The following CHRDL1 variants were observed in gnomAD, a reference collection of about 807,000 sequenced individuals.
CHRDL1 encodes the protein chordin-like protein 1.
CHRDL1 carries 19 observed loss-of-function variants against 40.9 expected under a neutral mutation model. The ratio of observed to expected loss-of-function variants is 0.46; its 90% CI spans 0.32 to 0.68. CHRDL1 has a LOEUF of 0.68. Ranked by LOEUF, CHRDL1 falls within the 30% of genes least tolerant of loss-of-function variation. CHRDL1 has a pLI of 0.03. For synonymous variants in CHRDL1, 136 were observed against 123.4 expected, an observed-to-expected ratio of 1.10 and a Z score of -0.68; for missense variants, 329 against 352.1, an observed-to-expected ratio of 0.93 and a Z score of 0.53.
chrX:110,756,420 T>C (rs1315400216), intron 4 of CHRDL1, among the ~76,000 whole-genome samples: 6 of 111,214 alleles, frequency 5.4e-5, no homozygotes, highest in Non-Finnish European at 1.1e-4. Flanking sequence ...ACTACTCGCA[T>C]GTAAACAGGG....
At chrX:110,689,606 C>CTATATATCTATATATCTA (rs2070148183) in intron 8 of CHRDL1, among the ~76,000 whole-genome samples, 24 of 2,303 alleles carry the variant, frequency 0.01, 5 homozygotes, top group South Asian at 0.038. Flanking sequence ...CTATATATAT[C>CTATATATCTATATATCTA]TATATATCTA....
At chrX:110,756,144 C>T (rs1050858365) in intron 4 of CHRDL1, among the ~76,000 whole-genome samples, 2 of 111,312 alleles carry the variant, frequency 1.8e-5, no homozygotes, top group African/African-American at 6.5e-5. Context: ...GAGAAATCTC[C>T]CTGTTATTTT....
intron 10 of CHRDL1, among the ~76,000 whole-genome samples, chrX:110,680,521 A>T (rs1023364882): frequency 1.2e-4 from 13 of 112,115 alleles, no homozygotes; most frequent in South Asian, 1.1e-3. Context: ...CATTAGAATC[A>T]TCTGGCTATT....
At chrX:110,684,219 T>C (rs1040279283) in intron 9 of CHRDL1, among the ~76,000 whole-genome samples, 2 of 112,338 alleles carry the variant, frequency 1.8e-5, no homozygotes, top group African/African-American at 3.2e-5. Context: ...ATCTTTAATA[T>C]TGGTCCTAGT....
chrX:110,759,594 G>T, intron 4 of CHRDL1, 67 bp downstream of exon 4: 1 of 752,792 alleles, frequency 1.3e-6, no homozygotes, highest in South Asian at 2.1e-5. Context: ...TTATGGAGAT[G>T]AGTTGAGTTG....
intron 8 of CHRDL1, among the ~76,000 whole-genome samples, chrX:110,692,767 G>A (rs757783885): frequency 9.0e-6 from 1 of 111,421 alleles, no homozygotes; most frequent in Admixed American, 9.5e-5. Context: ...GTTTTATTTC[G>A]AATGTTTTTT....
chrX:110,738,944 A>G (rs2071313112), intron 4 of CHRDL1, among the ~76,000 whole-genome samples: 1 of 111,435 alleles, frequency 9.0e-6, no homozygotes, highest in Middle Eastern at 4.7e-3. Flanking sequence ...TCCTAGGATC[A>G]TTGCTCACGA....
At chrX:110,792,922 C>A (rs2090125288) in intron 1 of CHRDL1, among the ~76,000 whole-genome samples, 1 of 112,144 alleles carries the variant, frequency 8.9e-6, no homozygotes, top group Non-Finnish European at 1.9e-5. Context: ...ATTTGTTCAC[C>A]TTGCACCACC....
chrX:110,690,743 A>G lies in CHRDL1; in HGVS notation c.779-1940T>C, dbSNP rs772572408. ...CCTCCTGGGTAACTTGTGAAGGGAT[A>G]GCCTTTTATGCCTCTAATTTCAGGC... On this transcript the variant is annotated intron_variant, in intron 8 of 11. Transcript: ENST00000372042. 8.9e-5 allele frequency among the ~76,000 whole-genome samples: 10 copies of G among 111,863 alleles called. No individual in the cohort carries two copies. The South Asian group carries it at 3.8e-3, about 42-fold the overall frequency.
At chrX:110,754,556 G>A (rs1233049498) in intron 4 of CHRDL1, among the ~76,000 whole-genome samples, 1 of 111,974 alleles carries the variant, frequency 8.9e-6, no homozygotes, top group Non-Finnish European at 1.9e-5. Context: ...TTCTCCTTAT[G>A]GGAACACATA....
At chrX:110,719,810 G>A (rs1230471480) in intron 6 of CHRDL1, 25 bp downstream of exon 6, 2 of 1,022,420 alleles carry the variant, frequency 2.0e-6, no homozygotes, top group Non-Finnish European at 1.4e-6. Context: ...CAGCACCCAG[G>A]GGTCTTGGGA....
chrX:110,721,406 T>C lies in CHRDL1; in HGVS notation c.426A>G (p.Gln142=), dbSNP rs767316147. 2 of 1,209,450 alleles carry C rather than the reference T, an allele frequency of 1.7e-6. No individual in the cohort carries two copies. Among genetic ancestry groups the C allele is most frequent in the African/African-American group, 1.7e-5 (1 of 57,266 alleles). The change falls in exon 5 of 12, where the codon CAA becomes CAG. Residue 142 remains glutamine (Q), a synonymous_variant. Coordinates refer to ENST00000372042, the MANE Select transcript of CHRDL1 (RefSeq NM_001143981.2). ...TTACCGAACAGCTGCACTGGGTGCA[T>C]TGATTGGGTTGCCGATTCTGAAAGA... is the stretch of plus-strand genomic sequence containing the variant. ...EGLFQNRQPN[Q]CTQCSCSEGN... is the part of the protein sequence containing the mutation.
chrX:110,715,080 T>A (rs2070817198), intron 6 of CHRDL1, among the ~76,000 whole-genome samples: 1 of 111,518 alleles, frequency 9.0e-6, no homozygotes. Flanking sequence ...TGAAAGAAAA[T>A]TGTGCATTTA....
At position 110,721,486 on chromosome X, in the gene CHRDL1, A is replaced by C; in HGVS notation, c.346T>G (p.Cys116Gly). 8.3e-7 allele frequency: 1 copy of C among 1,209,095 alleles called. No individual in the cohort carries two copies. The change falls in exon 5 of 12, where the codon TGC becomes GGC. Residue 116 changes from cysteine to glycine, a missense_variant. Transcript: ENST00000372042. ...TGGTAAGTTGTCCCATTGTACTCGC[A>C]AGACTTGCTGGTCACCTTATTGTTC... ...PVNNKVTSKS[C>G]EYNGTTYQHG...
At chrX:110,712,155 A>G (rs1431030787) in intron 6 of CHRDL1, among the ~76,000 whole-genome samples, 1 of 112,218 alleles carries the variant, frequency 8.9e-6, no homozygotes, top group African/African-American at 3.2e-5. Flanking sequence ...ACAGTGCAAG[A>G]ATATATTTCT....
intron 4 of CHRDL1, among the ~76,000 whole-genome samples, chrX:110,745,463 T>C (rs1181843146): frequency 9.0e-6 from 1 of 111,407 alleles, no homozygotes; most frequent in Non-Finnish European, 1.9e-5. Flanking sequence ...ACACAGACCA[T>C]ACTCAACTGC....
chrX:110,776,027 C>T (rs1176944301), intron 2 of CHRDL1, among the ~76,000 whole-genome samples: 1 of 111,754 alleles, frequency 8.9e-6, no homozygotes, highest in Non-Finnish European at 1.9e-5. Context: ...CCAATCCCTC[C>T]CTTCCATTCC....
chrX:110,746,313 T>C, intron 4 of CHRDL1, among the ~76,000 whole-genome samples: 1 of 111,094 alleles, frequency 9.0e-6, no homozygotes, highest in Non-Finnish European at 1.9e-5. Context: ...GGCAGCCTAA[T>C]CAACACATAA....
At chrX:110,700,328 A>C (rs972763726) in intron 7 of CHRDL1, among the ~76,000 whole-genome samples, 1 of 111,652 alleles carries the variant, frequency 9.0e-6, no homozygotes, top group Non-Finnish European at 1.9e-5. Context: ...GAAGGTCCTC[A>C]CTGTTGAGGA....
Sources: allele counts gnomAD v4.1 joint callset (sites outside exome capture counted in the v4.1 genomes callset), GRCh38; gene constraint gnomAD v4.1.1; transcripts MANE v1.5; gene names NCBI Gene and HGNC (gene_info 2026-07-23, HGNC 2026-07-21).